GCKR: variants seen among roughly 807,000 people sequenced by gnomAD.
GCKR encodes glucokinase regulator.
GCKR carries 73 observed loss-of-function variants against 82.9 expected under a neutral mutation model. That is an observed-to-expected ratio of 0.88 (90% CI 0.73 to 1.07). GCKR has a LOEUF of 1.07. Ranked by LOEUF, GCKR falls within the 50% of genes least tolerant of loss-of-function variation. The pLI, the probability that GCKR is intolerant of heterozygous loss-of-function variation, is 0.00. For synonymous variants in GCKR, 294 were observed against 291.8 expected, an observed-to-expected ratio of 1.01 and a Z score of -0.08; for missense variants, 784 against 782.1, an observed-to-expected ratio of 1.00 and a Z score of -0.03.
chr2:27,510,249 T>C (rs1475062191), intron 16 of GCKR, among the ~76,000 whole-genome samples: 1 of 152,172 alleles, frequency 6.6e-6, no homozygotes, highest in Non-Finnish European at 1.5e-5. Context: ...GAACTTGTGA[T>C]CCACCCGCCT....
At chr2:27,509,640 C>T (rs1411431410) in intron 16 of GCKR, 2 of 249,410 alleles carry the variant, frequency 8.0e-6, no homozygotes, top group Non-Finnish European at 1.8e-5. Flanking sequence ...CTACGCCTAG[C>T]CAAAACACTG....
intron 16 of GCKR, among the ~76,000 whole-genome samples, chr2:27,514,303 A>G (rs1234987924): frequency 3.9e-5 from 6 of 152,044 alleles, no homozygotes; most frequent in Non-Finnish European, 7.4e-5. Context: ...CTATATAAAT[A>G]CTGTATATAT....
chr2:27,510,032 G>T (rs1211016384), intron 16 of GCKR, among the ~76,000 whole-genome samples: 5 of 148,570 alleles, frequency 3.4e-5, no homozygotes, highest in Non-Finnish European at 5.9e-5. Flanking sequence ...TTTTTAAGAT[G>T]GAGTCTCGCT....
chr2:27,503,664 G>A (rs1249956594), intron 9 of GCKR, 45 bp downstream of exon 9: 5 of 986,642 alleles, frequency 5.1e-6, no homozygotes, highest in Non-Finnish European at 8.2e-6. Context: ...TCCAACACCT[G>A]GGAACTGCTT....
chr2:27,522,690 G>C, intron 18 of GCKR, 96 bp downstream of exon 18: 1 of 1,031,222 alleles, frequency 9.7e-7, no homozygotes, highest in Non-Finnish European at 1.5e-6. Context: ...AAGCTCAGTG[G>C]CACTCTGCTC....
chr2:27,514,274 CATACATCTATAT>C (rs1440144803), intron 16 of GCKR, among the ~76,000 whole-genome samples: 1 of 152,008 alleles, frequency 6.6e-6, no homozygotes. Context: ...TATACACACA[CATACATCTATAT>C]ATACATCTAT....
At chr2:27,515,766 T>TATA (rs1491545989) in intron 16 of GCKR, among the ~76,000 whole-genome samples, 56 of 73,918 alleles carry the variant, frequency 7.6e-4, no homozygotes, top group Admixed American at 2.6e-3. Context: ...TATATATATA[T>TATA]TTTTTTTTTT....
Position 27,506,562 on chromosome 2 carries a change from G to T in GCKR, c.951G>T (p.Met317Ile), listed in dbSNP as rs183604770. ...YSQSPKIATLMKSVSTSLEKK... is the reference protein window; with the variant it reads ...YSQSPKIATLIKSVSTSLEKK... ...AAAGCCCCAAGATTGCCACCCTGAT[G>T]AAGAGTGTCAGCACCAGGTGTGTGG... The change falls in exon 11 of 19, where the codon ATG becomes ATT. Residue 317 changes from methionine to isoleucine, a missense_variant. Coordinates refer to ENST00000264717, the MANE Select transcript of GCKR (RefSeq NM_001486.4). The T allele has an allele frequency of 6.2e-7, 1 of 1,610,012 alleles. No individual in the cohort carries two copies. The highest frequency in any genetic ancestry group is 8.5e-7 in the Non-Finnish European group (1 of 1,176,232).
At chr2:27,511,388 G>T (rs1669877987) in intron 16 of GCKR, among the ~76,000 whole-genome samples, 3 of 151,858 alleles carry the variant, frequency 2.0e-5, no homozygotes, top group African/African-American at 7.3e-5. Flanking sequence ...GTTTGGGCTG[G>T]TCAATCTTTA....
At chr2:27,520,070 C>T (rs542906285) in intron 17 of GCKR, among the ~76,000 whole-genome samples, 2 of 151,956 alleles carry the variant, frequency 1.3e-5, no homozygotes, top group East Asian at 1.9e-4. Context: ...ATTTTTCCAT[C>T]AAGTATGCCC....
Position 27,508,016 on chromosome 2 carries a change from A to T in GCKR, c.1280A>T (p.Lys427Ile). ...TEVQTIVEQVKEKTNHIQALA... is the reference protein window; with the variant it reads ...TEVQTIVEQVIEKTNHIQALA... The stretch of plus-strand genomic sequence containing the variant: ...GTGCAGACTATAGTGGAGCAGGTGA[A>T]AGAGAAGACCAACCACATCCAGGCC... The change falls in exon 15 of 19, where the codon AAA (lysine) becomes ATA (isoleucine). Residue 427 changes from lysine (K) to isoleucine (I), a missense_variant. By Grantham distance (102) the Lys-to-Ile change is moderately radical. Transcript: ENST00000264717. 6.2e-7 allele frequency: 1 copy of T among 1,613,972 alleles called. No homozygotes were observed. The highest frequency in any genetic ancestry group is 8.5e-7 in the Non-Finnish European group (1 of 1,179,886).
At chr2:27,519,598 G>A (rs991278604) in intron 17 of GCKR, among the ~76,000 whole-genome samples, 71 of 152,202 alleles carry the variant, frequency 4.7e-4, no homozygotes, top group African/African-American at 1.6e-3. Flanking sequence ...CACTGCACCC[G>A]GCCGTTGCTC....
chr2:27,510,178 T>C (rs376378999), intron 16 of GCKR, among the ~76,000 whole-genome samples: 268 of 151,916 alleles, frequency 1.8e-3, no homozygotes, highest in African/African-American at 6.2e-3. Flanking sequence ...CTGGCTAATT[T>C]TTTGTATTTT....
In GCKR at chr2:27,522,473, A is replaced by G. The variant is rs1196812653; in HGVS notation, c.1586A>G (p.Gln529Arg). Residue 529 changes from glutamine to arginine, a missense_variant, in exon 18 of 19, where the codon CAG (glutamine) becomes CGG (arginine). Transcript: ENST00000264717. ...ALAMLQRFSG[Q>R]SKARCIESLL... ...CTTCTTCCTTAGCGGTTCTCTGGAC[A>G]GTCCAAGGCTCGATGCATCGAGAGC... 1 of 1,613,954 alleles carries G rather than the reference A, an allele frequency of 6.2e-7. No homozygotes were observed. Among genetic ancestry groups the G allele is most frequent in the Admixed American group, 1.7e-5 (1 of 60,020 alleles).
chr2:27,497,061 C>T (rs1158521564), intron 1 of GCKR, 97 bp downstream of exon 1: 1 of 1,240,128 alleles, frequency 8.1e-7, no homozygotes, highest in Admixed American at 1.7e-5. Context: ...ACCTCTTCTT[C>T]CTTCCTGATG....
At chr2:27,520,276 G>A (rs1030867519) in intron 17 of GCKR, among the ~76,000 whole-genome samples, 1 of 152,088 alleles carries the variant, frequency 6.6e-6, no homozygotes, top group African/African-American at 2.4e-5. Flanking sequence ...GGGTCAGAAT[G>A]CATTATAGCA....
At chr2:27,497,147 T>G in intron 1 of GCKR, 97 bp from the exon 2 acceptor site, 2 of 1,449,098 alleles carry the variant, frequency 1.4e-6, no homozygotes, top group Non-Finnish European at 1.9e-6. Context: ...TGTGTGTAAG[T>G]CCAAACTCTG....
intron 13 of GCKR, 93 bp downstream of exon 13, chr2:27,507,404 A>G (rs1205793282): frequency 2.4e-6 from 2 of 842,940 alleles, no homozygotes; most frequent in East Asian, 2.4e-5. Flanking sequence ...TGGGAAGTTC[A>G]TTGGAATAGA....
intron 17 of GCKR, among the ~76,000 whole-genome samples, chr2:27,519,853 G>T (rs1330152707): frequency 1.3e-5 from 2 of 152,100 alleles, no homozygotes; most frequent in Non-Finnish European, 2.9e-5. Context: ...GGTGGAAGAA[G>T]GGCTGGGAGG....
Sources: gnomAD v4.1 joint callset for allele counts (sites outside exome capture counted in the v4.1 genomes callset) on GRCh38, gnomAD v4.1.1 for gene constraint, MANE v1.5 for transcripts, NCBI Gene and HGNC (gene_info 2026-07-23, HGNC 2026-07-21) for gene names.